The following TSPAN5 variants were observed in gnomAD, a reference collection of about 807,000 sequenced individuals.
TSPAN5 encodes tetraspanin-5.
In TSPAN5, 10 loss-of-function variants were observed where a neutral mutation model predicts 37.1. The ratio of observed to expected loss-of-function variants is 0.27; its 90% confidence interval spans 0.17 to 0.46. The LOEUF (loss-of-function observed/expected upper bound fraction) is 0.46, where lower values mean the gene tolerates loss of function less well. Among genes scored for constraint, TSPAN5 ranks in the 20% least tolerant of loss-of-function variants. The probability of loss-of-function intolerance (pLI) is 1.00; values close to 1 mark genes in which losing one functional copy is unlikely to be tolerated. For missense variants in TSPAN5, 195 were observed against 326.6 expected, an observed-to-expected ratio of 0.60 and a Z score of 3.11; for synonymous variants, 110 against 118.9, an observed-to-expected ratio of 0.93 and a Z score of 0.48.
At chr4:98,530,277 CTGAGAAAG>C (rs1198738302) in intron 1 of TSPAN5, among the ~76,000 whole-genome samples, 2 of 152,248 alleles carry the variant, frequency 1.3e-5, no homozygotes, top group Non-Finnish European at 2.9e-5. Context: ...CCCCTAGACA[CTGAGAAAG>C]TGATAATGGT....
At chr4:98,625,805 A>G (rs1756586012) in intron 1 of TSPAN5, among the ~76,000 whole-genome samples, 1 of 152,068 alleles carries the variant, frequency 6.6e-6, no homozygotes. Context: ...ATGTCAGAGT[A>G]GTATGTTTAT....
At chr4:98,520,294 C>T (rs188115659) in intron 1 of TSPAN5, among the ~76,000 whole-genome samples, 78 of 152,202 alleles carry the variant, frequency 5.1e-4, no homozygotes, top group Non-Finnish European at 8.4e-4. Context: ...GTTTGTGTTC[C>T]GTTAAGTGAA....
At chr4:98,474,223 G>GTGAGTTAGTCTAAATTCATTATTT (rs1207249190) in intron 7 of TSPAN5, among the ~76,000 whole-genome samples, 2 of 152,156 alleles carry the variant, frequency 1.3e-5, no homozygotes, top group Non-Finnish European at 2.9e-5. Flanking sequence ...TACATATGGT[G>GTGAGTTAGTCTAAATTCATTATTT]TGAGTTAGTC....
intron 1 of TSPAN5, among the ~76,000 whole-genome samples, chr4:98,639,252 T>G (rs72908197): frequency 0.013 from 1,905 of 152,276 alleles, 36 homozygotes; most frequent in African/African-American, 0.044. Flanking sequence ...AAAGCAGCAG[T>G]ACATGCCTCT....
chr4:98,526,314 G>C (rs1256152267), intron 1 of TSPAN5, among the ~76,000 whole-genome samples: 1 of 152,126 alleles, frequency 6.6e-6, no homozygotes, highest in African/African-American at 2.4e-5. Context: ...ATCCAAGGCA[G>C]GCCAGGTGAA....
At chr4:98,641,914 G>C (rs943854019) in intron 1 of TSPAN5, among the ~76,000 whole-genome samples, 1 of 152,118 alleles carries the variant, frequency 6.6e-6, no homozygotes, top group Non-Finnish European at 1.5e-5. Context: ...ATTTTGGTTA[G>C]GAAAACAAAG....
intron 1 of TSPAN5, among the ~76,000 whole-genome samples, chr4:98,555,543 T>C (rs1040312948): frequency 6.6e-6 from 1 of 152,184 alleles, no homozygotes; most frequent in African/African-American, 2.4e-5. Context: ...CCTAGTAGGC[T>C]GTATGCATCA....
rs1156365129 is a variant in TSPAN5, at chr4:98,471,091, G to A, written c.*1431C>T. On this transcript the variant is annotated 3_prime_UTR_variant, in exon 8 of 8. Coordinates refer to ENST00000305798, the MANE Select transcript of TSPAN5 (RefSeq NM_005723.4). ...GCACCAGGAAGTGGTTTCCCACTTT[G>A]TGTTACAGAGTACTTGCCCCAGTTC... 5 of 152,214 alleles carry A rather than the reference G, an allele frequency of 3.3e-5. No individual in the cohort carries two copies. The highest frequency in any genetic ancestry group is 1.2e-4 in the African/African-American group (5 of 41,452). The allele number at this position is 152,214 out of a possible 1,614,324, so 9.4% of individuals were successfully genotyped here.
Position 98,588,392 on chromosome 4 carries a change from C to CA in TSPAN5, c.81+69753dup, listed in dbSNP as rs756536690. 7.3e-3 allele frequency among the ~76,000 whole-genome samples: 975 copies of CA among 134,226 alleles called. 8 individuals are homozygous for CA. Among genetic ancestry groups the CA allele is most frequent in the African/African-American group, 0.022 (795 of 36,680 alleles). 88.1% of individuals were successfully genotyped at this position (134,226 alleles called of 152,430 possible). A position where few individuals can be genotyped will look rare whatever the true frequency, so the allele number is the denominator to read the frequency against. ...ACAGTGCTGGGTGTTAACTTCGGTT[C>CA]AAAAAAAAAAAAAGTTAACAACATC... On this transcript the variant is annotated intron_variant, in intron 1 of 7. Coordinates refer to ENST00000305798, the MANE Select transcript of TSPAN5 (RefSeq NM_005723.4).
chr4:98,652,851 C>T (rs890386567), intron 1 of TSPAN5, among the ~76,000 whole-genome samples: 1 of 152,224 alleles, frequency 6.6e-6, no homozygotes, highest in Non-Finnish European at 1.5e-5. Flanking sequence ...AACATTTTGG[C>T]AAGTTTATGG....
At chr4:98,568,232 C>T (rs1274245119) in intron 1 of TSPAN5, among the ~76,000 whole-genome samples, 7 of 152,058 alleles carry the variant, frequency 4.6e-5, no homozygotes, top group Non-Finnish European at 1.0e-4. Flanking sequence ...TCTTATTCCA[C>T]AGGGAAACAA....
At chr4:98,523,361 T>C (rs1219688415) in intron 1 of TSPAN5, among the ~76,000 whole-genome samples, 6 of 152,224 alleles carry the variant, frequency 3.9e-5, no homozygotes, top group Admixed American at 3.9e-4. Context: ...TATAAAAGCA[T>C]GTGCTAGAGA....
At chr4:98,587,978 C>T (rs537107560) in intron 1 of TSPAN5, among the ~76,000 whole-genome samples, 1 of 152,192 alleles carries the variant, frequency 6.6e-6, no homozygotes, top group Admixed American at 6.5e-5. Context: ...CAGTTGGTCT[C>T]TTCGGCATTT....
rs770950556 is a variant in TSPAN5 at position 98,609,340 on chromosome 4, C to T, written c.81+48806G>A. On this transcript the variant is annotated intron_variant, in intron 1 of 7. Transcript: ENST00000305798. ...ACTCTATTGTGCAGCCAGAGTGGGG[C>T]GCACCCAACCCCGACCACTGGCTGG... 2.0e-4 allele frequency among the ~76,000 whole-genome samples: 31 copies of T among 152,116 alleles called. 1 individual carries two copies. The highest frequency in any genetic ancestry group is 2.9e-4 in the Non-Finnish European group (20 of 68,032).
At chr4:98,482,487 A>G (rs1752865940) in intron 3 of TSPAN5, 1 of 205,082 alleles carries the variant, frequency 4.9e-6, no homozygotes, top group Non-Finnish European at 9.7e-6. Flanking sequence ...TTAATTTCTC[A>G]TGATTAATGT....
intron 1 of TSPAN5, among the ~76,000 whole-genome samples, chr4:98,607,651 G>A (rs1756069269): frequency 6.7e-6 from 1 of 149,548 alleles, no homozygotes; most frequent in South Asian, 2.1e-4. Context: ...CATGCTTTTT[G>A]CCTGTATTTA....
intron 1 of TSPAN5, among the ~76,000 whole-genome samples, chr4:98,622,020 C>A (rs2110249766): frequency 6.6e-6 from 1 of 152,258 alleles, no homozygotes; most frequent in African/African-American, 2.4e-5. Flanking sequence ...TCATCAGGGA[C>A]AATTATCTGA....
At chr4:98,647,663 T>C (rs1205115007) in intron 1 of TSPAN5, among the ~76,000 whole-genome samples, 1 of 152,216 alleles carries the variant, frequency 6.6e-6, no homozygotes, top group Non-Finnish European at 1.5e-5. Context: ...CAAAATGTTT[T>C]GCCATTTGTA....
chr4:98,548,385 A>T (rs1264227634), intron 1 of TSPAN5, among the ~76,000 whole-genome samples: 1 of 152,184 alleles, frequency 6.6e-6, no homozygotes, highest in Non-Finnish European at 1.5e-5. Context: ...AGAGGAATAT[A>T]AAAAAAGTAA....
Sources: gnomAD v4.1 joint callset for allele counts (sites outside exome capture counted in the v4.1 genomes callset) on GRCh38, gnomAD v4.1.1 for gene constraint, MANE v1.5 for transcripts, NCBI Gene and HGNC (gene_info 2026-07-23, HGNC 2026-07-21) for gene names.